The following ADGRF4 variants were observed in gnomAD, a reference collection of about 807,000 sequenced individuals.
The protein encoded by ADGRF4 is G-protein coupled receptor PGR18.
A neutral mutation model predicts 58.5 loss-of-function variants in ADGRF4; 63 were observed. The ratio of observed to expected loss-of-function variants is 1.08; its 90% CI spans 0.88 to 1.33. The LOEUF (loss-of-function observed/expected upper bound fraction) is 1.33, where lower values mean the gene tolerates loss of function less well. Ranked by LOEUF, ADGRF4 falls within the 40% of genes most tolerant of loss-of-function variation. The pLI is 0.00. For missense variants in ADGRF4, 931 were observed against 843.9 expected, an observed-to-expected ratio of 1.10 and a Z score of -1.28; for synonymous variants, 313 against 295.4, an observed-to-expected ratio of 1.06 and a Z score of -0.61.
At chr6:47,718,296 G>A (rs1279649093) in intron 8 of ADGRF4, 93 bp from the exon 9 acceptor site, 1 of 776,910 alleles carries the variant, frequency 1.3e-6, no homozygotes, top group Non-Finnish European at 2.4e-6. Context: ...TCCTTTTCAT[G>A]TATTCATTTT....
At position 47,702,369 on chromosome 6, in the gene ADGRF4, C is replaced by T. The variant is rs2113893587; in HGVS notation, c.-17+3575C>T. 1.3e-5 allele frequency among the ~76,000 whole-genome samples: 2 copies of T among 152,272 alleles called. 1 individual carries two copies. The highest frequency in any genetic ancestry group is 4.1e-4 in the South Asian group (2 of 4,820). On this transcript the variant is annotated intron_variant, in intron 1 of 9. Transcript: ENST00000283303. ...TTCCACAGAAACCCATGTGAGGACA[C>T]AAGGCCTTGGTCAAATACAGTAGAC...
intron 4 of ADGRF4, among the ~76,000 whole-genome samples, chr6:47,711,192 A>C (rs762654933): frequency 3.9e-5 from 6 of 152,156 alleles, no homozygotes; most frequent in Non-Finnish European, 8.8e-5. Flanking sequence ...TTAGCTCTAA[A>C]GGTGGGTTGG....
At chr6:47,699,939 C>A (rs371263836) in intron 1 of ADGRF4, among the ~76,000 whole-genome samples, 1 of 151,410 alleles carries the variant, frequency 6.6e-6, no homozygotes, top group Non-Finnish European at 1.5e-5. Context: ...ACACACCCCC[C>A]CCCCCAAAAT....
At chr6:47,716,901 C>A in intron 7 of ADGRF4, 54 bp downstream of exon 7, 1 of 1,280,666 alleles carries the variant, frequency 7.8e-7, no homozygotes. Flanking sequence ...CTGGGGGAAG[C>A]AGGAGGATGA....
intron 1 of ADGRF4, among the ~76,000 whole-genome samples, chr6:47,704,943 T>C (rs1771671700): frequency 6.6e-6 from 1 of 152,170 alleles, no homozygotes; most frequent in Non-Finnish European, 1.5e-5. Context: ...GTTTTTGTTT[T>C]TTTGTGATGG....
intron 1 of ADGRF4, among the ~76,000 whole-genome samples, chr6:47,701,888 C>T (rs1771596110): frequency 6.6e-6 from 1 of 152,156 alleles, no homozygotes; most frequent in South Asian, 2.1e-4. Flanking sequence ...GGCTGGAGTG[C>T]AATGGTGCAA....
At position 47,710,722 on chromosome 6, in the gene ADGRF4, T is replaced by C. The variant is rs201687207; in HGVS notation, c.149-13T>C. On this transcript the variant is annotated splice_polypyrimidine_tract_variant and intron_variant, in intron 3 of 9. Transcript: ENST00000283303. Reference sequence around the variant, plus strand: ...GCTCCTGTCTCTCTCTCTTTCTCTTTTTTTCTTTATAGAGAAATGCGAAGG... The same window carrying C: ...GCTCCTGTCTCTCTCTCTTTCTCTTCTTTTCTTTATAGAGAAATGCGAAGG... The C allele has an allele frequency of 2.8e-4, 438 of 1,580,396 alleles. 2 individuals carry two copies. The African/African-American group carries it at 5.5e-3, about 20-fold the overall frequency.
chr6:47,710,726 TC>T lies in ADGRF4; in HGVS notation c.149-8del, dbSNP rs1581694338. On this transcript the variant is annotated splice_region_variant and splice_polypyrimidine_tract_variant and intron_variant, in intron 3 of 9. Transcript: ENST00000283303. ...CTGTCTCTCTCTCTTTCTCTTTTTT[TC>T]TTTATAGAGAAATGCGAAGGACCTT... 6.4e-7 allele frequency: 1 copy of T among 1,564,318 alleles called. No individual in the cohort carries two copies.
At chr6:47,717,899 C>A (rs1333777535) in intron 8 of ADGRF4, among the ~76,000 whole-genome samples, 1 of 152,174 alleles carries the variant, frequency 6.6e-6, no homozygotes, top group Non-Finnish European at 1.5e-5. Flanking sequence ...TTGGGCCTGG[C>A]TATCAGTCTC....
At chr6:47,720,993 G>C (rs112645089) in intron 9 of ADGRF4, among the ~76,000 whole-genome samples, 18 of 152,188 alleles carry the variant, frequency 1.2e-4, no homozygotes, top group African/African-American at 3.6e-4. Context: ...GAAGGCAAAG[G>C]GCACCAAAAA....
intron 3 of ADGRF4, 82 bp downstream of exon 3, chr6:47,708,360 C>A: frequency 9.7e-7 from 1 of 1,026,536 alleles, no homozygotes; most frequent in Non-Finnish European, 1.5e-6. Flanking sequence ...AGCTTGTCCC[C>A]AGACCACAGG....
intron 1 of ADGRF4, among the ~76,000 whole-genome samples, chr6:47,704,336 T>C (rs1202978699): frequency 6.6e-6 from 1 of 152,088 alleles, no homozygotes; most frequent in Non-Finnish European, 1.5e-5. Flanking sequence ...CGGCAGCAGG[T>C]GCTATTCTTT....
chr6:47,711,954 T>C (rs1385074155), intron 4 of ADGRF4, among the ~76,000 whole-genome samples: 2 of 152,226 alleles, frequency 1.3e-5, no homozygotes, highest in Non-Finnish European at 2.9e-5. Flanking sequence ...AAATCACTTC[T>C]TCTAACTAGT....
chr6:47,699,267 T>TC (rs1466055768), intron 1 of ADGRF4, among the ~76,000 whole-genome samples: 2 of 152,378 alleles, frequency 1.3e-5, no homozygotes, highest in East Asian at 3.9e-4. Context: ...AAAGGCATCT[T>TC]CCCTTGTTTC....
intron 1 of ADGRF4, among the ~76,000 whole-genome samples, chr6:47,706,779 A>G (rs1458945988): frequency 6.6e-6 from 1 of 152,260 alleles, no homozygotes; most frequent in Non-Finnish European, 1.5e-5. Flanking sequence ...TGTTGGGCTC[A>G]TAGTTGCTCA....
intron 1 of ADGRF4, among the ~76,000 whole-genome samples, chr6:47,703,988 T>A (rs546954484): frequency 6.6e-6 from 1 of 152,192 alleles, no homozygotes; most frequent in Admixed American, 6.5e-5. Context: ...ACAAAACTCC[T>A]ATATTAAAGG....
At chr6:47,707,367 G>C (rs756416982) in intron 2 of ADGRF4, 29 bp downstream of exon 2, 1 of 1,356,562 alleles carries the variant, frequency 7.4e-7, no homozygotes, top group Non-Finnish European at 1.1e-6. Flanking sequence ...TATGTGATCC[G>C]AGGAGAAATC....
chr6:47,718,330 AT>A, intron 8 of ADGRF4, 58 bp from the exon 9 acceptor site: 1 of 866,800 alleles, frequency 1.2e-6, no homozygotes, highest in Non-Finnish European at 2.0e-6. Flanking sequence ...CTAGAGAGGG[AT>A]ATACATTTTG....
At position 47,714,310 on chromosome 6, in the gene ADGRF4, G is replaced by C; in HGVS notation, c.1065G>C (p.Lys355Asn). The C allele has an allele frequency of 1.9e-6, 3 of 1,614,182 alleles. No individual in the cohort carries two copies. The highest frequency in any genetic ancestry group is 2.5e-6 in the Non-Finnish European group (3 of 1,180,034). ...ARAQCVGWHS[K>N]KRRWDEKACQ... ...CCCAGTGTGTTGGCTGGCACTCCAAGAAAAGGAGATGGGATGAGAAAGCGT... is the reference window on the plus strand; with the variant it reads ...CCCAGTGTGTTGGCTGGCACTCCAACAAAAGGAGATGGGATGAGAAAGCGT... Residue 355 changes from lysine to asparagine, a missense_variant, in exon 6 of 10, where the codon AAG (lysine) becomes AAC (asparagine). Transcript: ENST00000283303.
Sources: allele counts gnomAD v4.1 joint callset (sites outside exome capture counted in the v4.1 genomes callset), GRCh38; gene constraint gnomAD v4.1.1; transcripts MANE v1.5; gene names NCBI Gene and HGNC (gene_info 2026-07-23, HGNC 2026-07-21).